RILPL2: variants seen among roughly 807,000 people sequenced by gnomAD.
RILPL2 encodes RILP-like protein 2.
RILPL2 carries 19 observed loss-of-function variants against 22.2 expected under a neutral mutation model. The observed-to-expected ratio is 0.86, with a 90% CI of 0.60 to 1.25. The LOEUF (loss-of-function observed/expected upper bound fraction) is 1.25. RILPL2 is among the 50% of genes most tolerant of loss of function. RILPL2 has a pLI of 0.00. For synonymous variants in RILPL2, 123 were observed against 111.6 expected (o/e 1.10, Z -0.64); for missense variants, 243 against 263.6 (o/e 0.92, Z 0.54).
chr12:123,412,597 T>G (rs1232726462), downstream of RILPL2: 2 of 152,330 alleles, frequency 1.3e-5, no homozygotes, highest in African/African-American at 4.8e-5. Context: ...TGGGCTCAAG[T>G]CCTGCTTCTA....
chr12:123,421,112 G>A (rs186957254), intron 3 of RILPL2, among the ~76,000 whole-genome samples: 9 of 149,940 alleles, frequency 6.0e-5, no homozygotes, highest in Admixed American at 2.0e-4. Flanking sequence ...GCACCATCTC[G>A]GCTCACCTCA....
intron 1 of RILPL2, among the ~76,000 whole-genome samples, chr12:123,434,748 A>G (rs1164544969): frequency 6.6e-6 from 1 of 152,030 alleles, no homozygotes; most frequent in Non-Finnish European, 1.5e-5. Context: ...ACATATGTGT[A>G]GATCCCTATA....
intron 2 of RILPL2, 92 bp downstream of exon 2, chr12:123,430,416 C>A (rs1416401412): frequency 4.7e-5 from 64 of 1,360,836 alleles, no homozygotes; most frequent in African/African-American, 7.5e-5. Flanking sequence ...CTCAAAAAAA[C>A]AAAAACAAAA....
intron 3 of RILPL2, among the ~76,000 whole-genome samples, chr12:123,420,652 G>T (rs957251379): frequency 2.0e-5 from 3 of 150,180 alleles, no homozygotes; most frequent in African/African-American, 7.4e-5. Context: ...GGCTAGGCTG[G>T]TCTCGAACTC....
At chr12:123,432,465 C>A (rs575095435) in intron 1 of RILPL2, among the ~76,000 whole-genome samples, 2 of 152,274 alleles carry the variant, frequency 1.3e-5, no homozygotes, top group East Asian at 3.9e-4. Context: ...GTGTTCAAAC[C>A]ACTGCACGCC....
chr12:123,423,203 G>C lies in RILPL2; in HGVS notation c.492-46C>G, dbSNP rs201008063. On this transcript the variant is annotated intron_variant, in intron 2 of 3. Transcript: ENST00000280571. ...TAAATGGATTATTTTATTACAGATCGTTTTTTTTTTTTTTTTGAGTTGGAG... is the reference window on the plus strand; with the variant it reads ...TAAATGGATTATTTTATTACAGATCCTTTTTTTTTTTTTTTTGAGTTGGAG... The C allele has an allele frequency of 6.0e-6, 5 of 826,674 alleles. No individual in the cohort carries two copies. The African/African-American group carries it at 6.0e-5, about 10-fold the overall frequency. The allele number at this position is 826,674 out of a possible 1,614,324, so 51.2% of individuals were successfully genotyped here.
Position 123,436,511 on chromosome 12 carries a change from G to T in RILPL2, c.-91C>A, listed in dbSNP as rs765236095. 7.6e-5 allele frequency: 113 copies of T among 1,484,404 alleles called. No individual in the cohort carries two copies. Among genetic ancestry groups the T allele is most frequent in the Non-Finnish European group, 9.7e-5 (108 of 1,118,976 alleles). The allele number at this position is 1,484,404 out of a possible 1,614,324, so 92.0% of individuals were successfully genotyped here. A position where few individuals can be genotyped will look rare whatever the true frequency, so the allele number is the denominator to read the frequency against. On this transcript the variant is annotated 5_prime_UTR_variant, in exon 1 of 4. Coordinates refer to ENST00000280571, the MANE Select transcript of RILPL2 (RefSeq NM_145058.3). The surrounding 1 kb of genome is among the most constrained non-coding windows in gnomAD (Gnocchi z 6.7). ...CCCGGCACCCAAAACTTTCCGCTGGGCAGAGTCCCTACCTGCCCAATCAGC... is the reference window on the plus strand; with the variant it reads ...CCCGGCACCCAAAACTTTCCGCTGGTCAGAGTCCCTACCTGCCCAATCAGC...
intron 2 of RILPL2, 52 bp downstream of exon 2, chr12:123,430,456 A>C: frequency 6.6e-7 from 1 of 1,504,686 alleles, no homozygotes; most frequent in Non-Finnish European, 8.9e-7. Flanking sequence ...TAACCTAGCA[A>C]GGAATTCTGG....
intron 2 of RILPL2, among the ~76,000 whole-genome samples, chr12:123,428,144 AT>A (rs1566092262): frequency 1.3e-5 from 2 of 150,998 alleles, no homozygotes; most frequent in Admixed American, 6.6e-5. Context: ...ATTTTATTCT[AT>A]TTTTTTTCTG....
intron 2 of RILPL2, among the ~76,000 whole-genome samples, chr12:123,426,238 T>A (rs28384208): frequency 6.6e-6 from 1 of 151,794 alleles, no homozygotes; most frequent in East Asian, 1.9e-4. Flanking sequence ...AACCTCCGCC[T>A]CCTGGGTTCA....
At position 123,418,463 on chromosome 12, in the gene RILPL2, C is replaced by T. The variant is rs80192877; in HGVS notation, c.606-2542G>A. On this transcript the variant is annotated intron_variant, in intron 3 of 3. Coordinates refer to ENST00000280571, the MANE Select transcript of RILPL2 (RefSeq NM_145058.3). ...CTGAAATTGTCCTGTTAATATATTTCTTTACCTGTTCACTCTCTGACTCCC... is the reference window on the plus strand; with the variant it reads ...CTGAAATTGTCCTGTTAATATATTTTTTTACCTGTTCACTCTCTGACTCCC... Among the ~76,000 whole-genome samples the T allele has an allele frequency of 5.7e-3, 865 of 152,266 alleles. 1 individual carries two copies. The highest frequency in any genetic ancestry group is 8.8e-3 in the Admixed American group (134 of 15,274).
chr12:123,436,212 CG>C lies in RILPL2; in HGVS notation c.208del (p.Arg70AlafsTer10). 1 of 1,612,556 alleles carries C rather than the reference CG, an allele frequency of 6.2e-7. No homozygotes were observed. Among genetic ancestry groups the C allele is most frequent in the Non-Finnish European group, 8.5e-7 (1 of 1,179,418 alleles). On this transcript the variant is annotated frameshift_variant, in exon 1 of 4. Transcript: ENST00000280571. LOFTEE classifies it high-confidence loss of function. The surrounding 1 kb of genome is among the most constrained non-coding windows in gnomAD (Gnocchi z 6.7). ...RVTQLQFKVV[R>X]VLEMLEALVN... ...CAGCGCCTCCAGCATCTCCAGGACGCGGACGACTTTGAACTGCAGCTGCGTC... is the reference window on the plus strand; with the variant it reads ...CAGCGCCTCCAGCATCTCCAGGACGCGACGACTTTGAACTGCAGCTGCGTC...
chr12:123,435,050 C>T (rs1441050787), intron 1 of RILPL2, among the ~76,000 whole-genome samples: 6 of 151,540 alleles, frequency 4.0e-5, no homozygotes, highest in African/African-American at 1.5e-4. Flanking sequence ...CGTGGTGGCA[C>T]ACGCTTGCAA....
intron 3 of RILPL2, among the ~76,000 whole-genome samples, chr12:123,416,512 G>C (rs896371806): frequency 6.6e-6 from 1 of 150,962 alleles, no homozygotes; most frequent in Non-Finnish European, 1.5e-5. Context: ...GGTGGCGGGC[G>C]CCTGTAGTCC....
chr12:123,433,146 T>A (rs1282311715), intron 1 of RILPL2, among the ~76,000 whole-genome samples: 2 of 151,620 alleles, frequency 1.3e-5, no homozygotes, highest in East Asian at 3.9e-4. Context: ...CTCGCTCTGT[T>A]GCCAGGCTAG....
intron 3 of RILPL2, among the ~76,000 whole-genome samples, chr12:123,417,114 C>A (rs535486854): frequency 6.6e-6 from 1 of 151,956 alleles, no homozygotes; most frequent in African/African-American, 2.4e-5. Context: ...GCCTGAGAAA[C>A]GTGGAGAAAC....
At chr12:123,421,671 CTTT>C (rs561071129) in intron 3 of RILPL2, among the ~76,000 whole-genome samples, 6 of 135,774 alleles carry the variant, frequency 4.4e-5, no homozygotes, top group Admixed American at 7.5e-5. Flanking sequence ...TGGGTTATTC[CTTT>C]TTTTTTTTTT....
rs1348189972 is a variant in RILPL2, at chr12:123,423,123, T to G, written c.526A>C (p.Arg176=). The change falls in exon 3 of 4, where the codon AGA becomes CGA. Residue 176 remains arginine, a synonymous_variant. Transcript: ENST00000280571. ...LIPPREGPGG[R]REKDAVVTSA... ...GTAACCACAGCATCTTTTTCTCTTCTTCCTCCTGGGCCTTCTCTTGGTGGA... is the reference window on the plus strand; with the variant it reads ...GTAACCACAGCATCTTTTTCTCTTCGTCCTCCTGGGCCTTCTCTTGGTGGA... 1 of 1,613,694 alleles carries G rather than the reference T, an allele frequency of 6.2e-7. No homozygotes were observed. The highest frequency in any genetic ancestry group is 1.3e-5 in the African/African-American group (1 of 74,968).
chr12:123,426,035 C>G (rs1194089955), intron 2 of RILPL2, among the ~76,000 whole-genome samples: 2 of 152,132 alleles, frequency 1.3e-5, no homozygotes, highest in Non-Finnish European at 2.9e-5. Context: ...TCTTGAACTC[C>G]TAGGCTCAAG....
Sources: allele counts gnomAD v4.1 joint callset (sites outside exome capture counted in the v4.1 genomes callset), GRCh38; gene constraint gnomAD v4.1.1; non-coding constraint Gnocchi (gnomAD v3.1); transcripts MANE v1.5; gene names NCBI Gene and HGNC (gene_info 2026-07-23, HGNC 2026-07-21).